The following XIRP2 variants were observed in gnomAD, a reference collection of about 807,000 sequenced individuals.
XIRP2 encodes xin actin binding repeat containing 2.
In XIRP2, 236 loss-of-function variants were observed where a neutral mutation model predicts 277.0. The observed-to-expected ratio is 0.85, with a 90% CI of 0.77 to 0.95. XIRP2 has a LOEUF of 0.95. XIRP2 is among the 40% of genes least tolerant of loss of function. The pLI is 0.00. For synonymous variants in XIRP2, 1,490 were observed against 1,416.5 expected, an observed-to-expected ratio of 1.05 and a Z score of -1.17; for missense variants, 4,640 against 4,157.5, an observed-to-expected ratio of 1.12 and a Z score of -3.19.
intron 2 of XIRP2, among the ~76,000 whole-genome samples, chr2:167,034,888 C>T (rs1254356768): frequency 6.6e-6 from 1 of 152,130 alleles, no homozygotes; most frequent in Non-Finnish European, 1.5e-5. Context: ...CCACATGTTG[C>T]GGGAGGGCCC....
At chr2:166,950,392 A>G (rs1355735618) in intron 2 of XIRP2, among the ~76,000 whole-genome samples, 2 of 151,990 alleles carry the variant, frequency 1.3e-5, no homozygotes, top group African/African-American at 4.8e-5. Context: ...TCTTGGGAGT[A>G]GTTACTGATT....
chr2:166,924,992 G>A, intron 2 of XIRP2, among the ~76,000 whole-genome samples: 1 of 152,024 alleles, frequency 6.6e-6, no homozygotes, highest in East Asian at 1.9e-4. Context: ...TTTTCAGAGG[G>A]TAAGCTTTTT....
chr2:167,166,017 T>G (rs73021968), intron 3 of XIRP2, among the ~76,000 whole-genome samples: 15,047 of 152,200 alleles, frequency 0.099, 798 homozygotes, highest in South Asian at 0.15. Flanking sequence ...ATAAAACATG[T>G]TAGGTTTATG....
intron 5 of XIRP2, among the ~76,000 whole-genome samples, chr2:167,227,672 A>G (rs1289775916): frequency 6.6e-6 from 1 of 152,076 alleles, no homozygotes; most frequent in African/African-American, 2.4e-5. Context: ...ACACCACTGC[A>G]CTCCAGCCTG....
At chr2:167,254,257 A>C (rs1006976205) in intron 10 of XIRP2, 92 bp downstream of exon 10, 15 of 1,329,662 alleles carry the variant, frequency 1.1e-5, no homozygotes, top group Non-Finnish European at 1.5e-5. Flanking sequence ...ATTTTTCCAG[A>C]TCTTGTTGCT....
intron 3 of XIRP2, among the ~76,000 whole-genome samples, chr2:167,209,915 G>T (rs1693972859): frequency 6.6e-6 from 1 of 152,066 alleles, no homozygotes; most frequent in Non-Finnish European, 1.5e-5. Context: ...TAGGTTCGAT[G>T]ATCTCTAAGA....
At chr2:166,999,497 T>C (rs868297771) in intron 2 of XIRP2, among the ~76,000 whole-genome samples, 2 of 152,074 alleles carry the variant, frequency 1.3e-5, no homozygotes, top group Non-Finnish European at 1.5e-5. Context: ...AAAGAAACCA[T>C]TGGCAATGTA....
intron 2 of XIRP2, among the ~76,000 whole-genome samples, chr2:166,951,097 G>A (rs541502889): frequency 2.3e-4 from 35 of 152,084 alleles, no homozygotes; most frequent in Admixed American, 1.4e-3. Flanking sequence ...GAGAATGGAA[G>A]GTAACCAAGA....
rs771938110 is a variant in XIRP2, at chr2:167,248,508, A to G, written c.7116A>G (p.Pro2372=). The change falls in exon 9 of 11, where the codon CCA becomes CCG. Residue 2372 remains proline (P), a synonymous_variant. Coordinates refer to ENST00000409195, the MANE Select transcript of XIRP2 (RefSeq NM_152381.6). Reference sequence around the variant, plus strand: ...TGCCGCCTCCTCCTCCTCCAACTCCATCTCAAAAGCCAGCACATCTCCTTT... The same window carrying G: ...TGCCGCCTCCTCCTCCTCCAACTCCGTCTCAAAAGCCAGCACATCTCCTTT... ...MFLPPPPPPT[P]SQKPAHLLSS... is the part of the protein sequence containing the mutation. 2.5e-6 allele frequency: 4 copies of G among 1,613,600 alleles called. No individual in the cohort carries two copies. Among genetic ancestry groups the G allele is most frequent in the South Asian group, 1.1e-5 (1 of 91,058 alleles).
At position 166,970,751 on chromosome 2, in the gene XIRP2, T is replaced by C. The variant is rs374329664; in HGVS notation, c.408+66861T>C. ...GTTCTCCTAAGTTAACATAAATTTA[T>C]AGTGATTCACATAAAAATATCAATA... On this transcript the variant is annotated intron_variant, in intron 2 of 10. Transcript: ENST00000409195. Among the ~76,000 whole-genome samples, 129 of 152,070 alleles carry C rather than the reference T, an allele frequency of 8.5e-4. 5 individuals carry two copies. In the South Asian group the frequency reaches 0.026, roughly 31 times the overall value.
At chr2:166,980,540 C>T (rs572710862) in intron 2 of XIRP2, among the ~76,000 whole-genome samples, 2 of 152,114 alleles carry the variant, frequency 1.3e-5, no homozygotes, top group Non-Finnish European at 2.9e-5. Context: ...CTTCAGCCTC[C>T]CGAGTAGCTG....
chr2:166,926,538 C>T (rs1421174092), intron 2 of XIRP2, among the ~76,000 whole-genome samples: 3 of 152,078 alleles, frequency 2.0e-5, no homozygotes, highest in African/African-American at 7.2e-5. Context: ...AACAAATATC[C>T]AGATCAATCT....
intron 2 of XIRP2, among the ~76,000 whole-genome samples, chr2:166,985,388 C>A (rs995339903): frequency 6.6e-6 from 1 of 151,888 alleles, no homozygotes; most frequent in African/African-American, 2.4e-5. Context: ...AGGATTAATA[C>A]TTTTTATGTC....
chr2:166,925,369 G>T (rs1444363299), intron 2 of XIRP2, among the ~76,000 whole-genome samples: 2 of 151,602 alleles, frequency 1.3e-5, no homozygotes, highest in Non-Finnish European at 2.9e-5. Flanking sequence ...TCTAGTGCTA[G>T]GTATGTTCCA....
At chr2:167,171,648 A>G (rs549584647) in intron 3 of XIRP2, among the ~76,000 whole-genome samples, 1 of 152,342 alleles carries the variant, frequency 6.6e-6, no homozygotes, top group African/African-American at 2.4e-5. Context: ...AAGTATGGAA[A>G]GAGATGTTAA....
chr2:166,981,571 A>G (rs1191082445), intron 2 of XIRP2, among the ~76,000 whole-genome samples: 2 of 151,728 alleles, frequency 1.3e-5, no homozygotes, highest in African/African-American at 4.8e-5. Flanking sequence ...ACAGGTGCAC[A>G]CTGCCATGCC....
intron 2 of XIRP2, among the ~76,000 whole-genome samples, chr2:166,940,873 T>A (rs547744277): frequency 1.3e-5 from 2 of 152,314 alleles, no homozygotes; most frequent in South Asian, 4.1e-4. Context: ...GGTGCCTCCC[T>A]GTTAGGCTAC....
intron 2 of XIRP2, among the ~76,000 whole-genome samples, chr2:166,969,541 CA>C (rs1399710973): frequency 6.7e-6 from 1 of 149,828 alleles, no homozygotes; most frequent in Non-Finnish European, 1.5e-5. Context: ...AACGATATTA[CA>C]ATAAAAAAAA....
chr2:167,032,555 C>A (rs1688394248), intron 2 of XIRP2, among the ~76,000 whole-genome samples: 1 of 152,026 alleles, frequency 6.6e-6, no homozygotes, highest in African/African-American at 2.4e-5. Context: ...ATCCATCTGA[C>A]AAAGGGCTAA....
Sources: gnomAD v4.1 joint callset for allele counts (sites outside exome capture counted in the v4.1 genomes callset) on GRCh38, gnomAD v4.1.1 for gene constraint, MANE v1.5 for transcripts, NCBI Gene and HGNC (gene_info 2026-07-23, HGNC 2026-07-21) for gene names.